Variants in ULK4 observed in about 807,000 individuals in gnomAD.
ULK4 encodes the protein inactive serine/threonine-protein kinase ULK4.
A neutral mutation model predicts 160.6 loss-of-function variants in ULK4; 133 were observed. The ratio of observed to expected loss-of-function variants is 0.83; its 90% confidence interval spans 0.72 to 0.96. The LOEUF is 0.96. Among genes scored for constraint, ULK4 ranks in the 40% least tolerant of loss-of-function variants. The pLI is 0.00. For missense variants in ULK4, 1,580 were observed against 1,499.5 expected (o/e 1.05, Z -0.89); for synonymous variants, 534 against 539.8 (o/e 0.99, Z 0.15).
At chr3:41,276,595 T>C (rs983160975) in intron 35 of ULK4, among the ~76,000 whole-genome samples, 1 of 152,222 alleles carries the variant, frequency 6.6e-6, no homozygotes, top group Non-Finnish European at 1.5e-5. Context: ...ATGACAGGAA[T>C]GTAACTACAT....
At chr3:41,386,410 T>G (rs182990144) in intron 35 of ULK4, among the ~76,000 whole-genome samples, 149 of 152,310 alleles carry the variant, frequency 9.8e-4, no homozygotes, top group Middle Eastern at 3.4e-3. Flanking sequence ...CTGAAGGTAC[T>G]AATAATATCC....
chr3:41,778,165 C>T (rs1559547185), intron 21 of ULK4, among the ~76,000 whole-genome samples: 1 of 116,820 alleles, frequency 8.6e-6, no homozygotes, highest in Non-Finnish European at 1.7e-5. Flanking sequence ...GTACAAAAAT[C>T]GCAAGCATTC....
intron 35 of ULK4, among the ~76,000 whole-genome samples, chr3:41,336,779 C>T (rs1038288692): frequency 3.3e-5 from 5 of 152,150 alleles, no homozygotes; most frequent in Non-Finnish European, 7.4e-5. Context: ...GGAAGACTGG[C>T]GGTTCAAATC....
At chr3:41,599,682 A>G (rs1299640771) in intron 31 of ULK4, among the ~76,000 whole-genome samples, 1 of 144,612 alleles carries the variant, frequency 6.9e-6, no homozygotes, top group Non-Finnish European at 1.5e-5. Flanking sequence ...CTCCCACCCC[A>G]GCCTCCTGAA....
At chr3:41,802,096 T>C (rs538460820) in intron 19 of ULK4, among the ~76,000 whole-genome samples, 1 of 152,130 alleles carries the variant, frequency 6.6e-6, no homozygotes, top group African/African-American at 2.4e-5. Context: ...AGTACCATTC[T>C]GAAATGCAAA....
intron 30 of ULK4, among the ~76,000 whole-genome samples, chr3:41,641,339 T>G (rs955907014): frequency 2.0e-5 from 3 of 152,124 alleles, no homozygotes; most frequent in African/African-American, 7.2e-5. Flanking sequence ...AGGGGCTAAG[T>G]TGTCGAGGTA....
chr3:41,605,965 C>T (rs951676473), intron 31 of ULK4, among the ~76,000 whole-genome samples: 3 of 151,944 alleles, frequency 2.0e-5, no homozygotes, highest in Non-Finnish European at 4.4e-5. Context: ...CCCCCAAATA[C>T]TGGGAAACTA....
At chr3:41,756,033 A>G (rs1269490183) in intron 21 of ULK4, among the ~76,000 whole-genome samples, 1 of 152,218 alleles carries the variant, frequency 6.6e-6, no homozygotes, top group Non-Finnish European at 1.5e-5. Flanking sequence ...TAAAGTAAAC[A>G]TAGCAAACTG....
chr3:41,648,671 A>T (rs990761175), intron 30 of ULK4, among the ~76,000 whole-genome samples: 2 of 152,126 alleles, frequency 1.3e-5, no homozygotes. Context: ...TTCCAGCTCA[A>T]TTACCCCTCT....
intron 17 of ULK4, among the ~76,000 whole-genome samples, chr3:41,854,457 GCA>G (rs2042288546): frequency 6.6e-6 from 1 of 152,172 alleles, no homozygotes; most frequent in African/African-American, 2.4e-5. Flanking sequence ...GCCCTTATCT[GCA>G]CAGACAAGGT....
At chr3:41,827,882 C>T (rs1448487413) in intron 18 of ULK4, among the ~76,000 whole-genome samples, 20 of 152,112 alleles carry the variant, frequency 1.3e-4, no homozygotes, top group African/African-American at 4.1e-4. Context: ...CCGATGAACA[C>T]TGATGCAAAA....
At chr3:41,796,299 G>C (rs1284315355) in intron 20 of ULK4, among the ~76,000 whole-genome samples, 1 of 152,076 alleles carries the variant, frequency 6.6e-6, no homozygotes, top group African/African-American at 2.4e-5. Flanking sequence ...CACAGAAAGA[G>C]GGAAGACTAG....
chr3:41,479,484 G>T (rs1249999307), intron 32 of ULK4, among the ~76,000 whole-genome samples: 1 of 152,190 alleles, frequency 6.6e-6, no homozygotes, highest in Non-Finnish European at 1.5e-5. Flanking sequence ...GGGAAGGCAG[G>T]GAAAGTTATT....
chr3:41,451,116 T>C (rs1412344189), intron 34 of ULK4, among the ~76,000 whole-genome samples: 1 of 152,060 alleles, frequency 6.6e-6, no homozygotes. Context: ...TCCAGCAGAA[T>C]TCCAGGAGAA....
chr3:41,710,815 T>C (rs912017801), intron 25 of ULK4, among the ~76,000 whole-genome samples: 3 of 146,924 alleles, frequency 2.0e-5, no homozygotes, highest in African/African-American at 5.0e-5. Context: ...AAAAAGATTG[T>C]GACTAATGCT....
At chr3:41,580,005 AG>A (rs1210435854) in intron 31 of ULK4, among the ~76,000 whole-genome samples, 1 of 152,158 alleles carries the variant, frequency 6.6e-6, no homozygotes, top group African/African-American at 2.4e-5. Context: ...CACACGTGTG[AG>A]GACTGCTTTC....
At chr3:41,653,206 C>T (rs777826715) in intron 30 of ULK4, among the ~76,000 whole-genome samples, 3 of 152,176 alleles carry the variant, frequency 2.0e-5, no homozygotes, top group African/African-American at 4.8e-5. Context: ...CAATATTCCC[C>T]TGCCCTGATC....
intron 19 of ULK4, among the ~76,000 whole-genome samples, chr3:41,805,097 G>A (rs2040599846): frequency 6.6e-6 from 1 of 152,180 alleles, no homozygotes; most frequent in South Asian, 2.1e-4. Context: ...TCACGATACT[G>A]ATTCTTCCTA....
At chr3:41,804,901 T>A (rs1179895151) in intron 19 of ULK4, among the ~76,000 whole-genome samples, 1 of 152,166 alleles carries the variant, frequency 6.6e-6, no homozygotes, top group Admixed American at 6.5e-5. Context: ...TAGTATAGTT[T>A]GAAGTCAGGT....
Sources: gnomAD v4.1 joint callset for allele counts (sites outside exome capture counted in the v4.1 genomes callset) on GRCh38, gnomAD v4.1.1 for gene constraint, MANE v1.5 for transcripts, NCBI Gene and HGNC (gene_info 2026-07-23, HGNC 2026-07-21) for gene names.